Variants in CDH12 observed in about 807,000 individuals in gnomAD.
The protein encoded by CDH12 is cadherin 12.
In CDH12, 41 loss-of-function variants were observed where a neutral mutation model predicts 74.1. The ratio of observed to expected loss-of-function variants is 0.55; its 90% CI spans 0.43 to 0.72. The LOEUF is 0.72. Ranked by LOEUF, CDH12 falls within the 30% of genes least tolerant of loss-of-function variation. The pLI is 0.00. For missense variants in CDH12, 945 were observed against 977.2 expected (o/e 0.97, Z 0.44); for synonymous variants, 399 against 355.0 (o/e 1.12, Z -1.39).
intron 6 of CDH12, among the ~76,000 whole-genome samples, chr5:21,916,719 G>A (rs1754113155): frequency 1.3e-5 from 2 of 152,104 alleles, no homozygotes; most frequent in South Asian, 4.1e-4. Flanking sequence ...AGTTTGACGG[G>A]AGCATATAAT....
intron 4 of CDH12, among the ~76,000 whole-genome samples, chr5:22,151,361 A>G (rs764686468): frequency 3.9e-5 from 6 of 152,206 alleles, no homozygotes; most frequent in Non-Finnish European, 8.8e-5. Context: ...AAAGGAACTC[A>G]CTTTGGGAAA....
At position 22,719,298 on chromosome 5, in the gene CDH12, G is replaced by T. The variant is rs149498129; in HGVS notation, c.-523+133760C>A. ...TATAATGGTATGTAAAGCCTTGATT[G>T]GTAGTTGTAAACAAATAACAATCAA... On this transcript the variant is annotated intron_variant, in intron 1 of 14. Coordinates refer to ENST00000382254, the MANE Select transcript of CDH12 (RefSeq NM_004061.5). 2.0e-5 allele frequency among the ~76,000 whole-genome samples: 3 copies of T among 152,206 alleles called. No individual in the cohort carries two copies. The East Asian group carries it at 5.8e-4, about 29-fold the overall frequency.
chr5:22,849,835 C>G (rs1295080875), intron 1 of CDH12, among the ~76,000 whole-genome samples: 1 of 151,936 alleles, frequency 6.6e-6, no homozygotes, highest in East Asian at 1.9e-4. Flanking sequence ...ATTAAATATT[C>G]ATGGAGCAAG....
intron 6 of CDH12, among the ~76,000 whole-genome samples, chr5:21,881,691 T>C (rs1014437666): frequency 1.1e-4 from 17 of 152,186 alleles, no homozygotes; most frequent in African/African-American, 2.4e-4. Flanking sequence ...CTTCGTATCA[T>C]TTTTATATAT....
intron 6 of CDH12, among the ~76,000 whole-genome samples, chr5:21,894,937 A>T (rs917696069): frequency 6.6e-6 from 1 of 152,018 alleles, no homozygotes; most frequent in Admixed American, 6.6e-5. Context: ...GCTCAAGTCA[A>T]TTAAAATGTG....
chr5:22,505,974 TGACTGGA>T (rs1396744205), intron 1 of CDH12, among the ~76,000 whole-genome samples: 2 of 152,126 alleles, frequency 1.3e-5, no homozygotes, highest in African/African-American at 4.8e-5. Flanking sequence ...CTTGATCAGC[TGACTGGA>T]GTACTTATTA....
intron 2 of CDH12, among the ~76,000 whole-genome samples, chr5:22,415,466 T>G (rs1356243735): frequency 6.6e-6 from 1 of 152,236 alleles, no homozygotes; most frequent in Non-Finnish European, 1.5e-5. Context: ...CAATGAGATG[T>G]CAATGAAAAT....
At chr5:22,065,044 T>G (rs1211455909) in intron 5 of CDH12, among the ~76,000 whole-genome samples, 1 of 152,170 alleles carries the variant, frequency 6.6e-6, no homozygotes, top group Admixed American at 6.5e-5. Flanking sequence ...TAATTTCTGA[T>G]AAGTCTTCTT....
chr5:22,815,769 C>CAAAAAAA (rs34135797), intron 1 of CDH12, among the ~76,000 whole-genome samples: 9 of 96,996 alleles, frequency 9.3e-5, no homozygotes, highest in Non-Finnish European at 1.4e-4. Flanking sequence ...GACTCCGTCT[C>CAAAAAAA]AAAAAAAAAA....
At chr5:22,736,733 CA>C (rs554861937) in intron 1 of CDH12, among the ~76,000 whole-genome samples, 1 of 151,720 alleles carries the variant, frequency 6.6e-6, no homozygotes, top group African/African-American at 2.4e-5. Flanking sequence ...CACACACACA[CA>C]AAAAGCCTAG....
At chr5:21,810,630 G>A (rs13359507) in intron 9 of CDH12, among the ~76,000 whole-genome samples, 37,571 of 151,964 alleles carry the variant, frequency 0.25, 5,302 homozygotes, top group East Asian at 0.41. Flanking sequence ...CAGTGGTTAC[G>A]TTGATTTAGG....
chr5:22,428,445 A>G (rs948358400), intron 2 of CDH12, among the ~76,000 whole-genome samples: 33 of 150,542 alleles, frequency 2.2e-4, no homozygotes, highest in African/African-American at 4.7e-4. Context: ...ATATATATAT[A>G]TGTGTGTGTG....
rs2150363206 is a variant in CDH12 at position 22,212,295 on chromosome 5, A to G, written c.-187+203T>C. 3 of 152,816 alleles carry G rather than the reference A, an allele frequency of 2.0e-5. No individual in the cohort carries two copies. In the Middle Eastern group the frequency reaches 0.01, roughly 520 times the overall value. 9.5% of individuals were successfully genotyped at this position (152,816 alleles called of 1,614,324 possible). A position where few individuals can be genotyped will look rare whatever the true frequency, so the allele number is the denominator to read the frequency against. On this transcript the variant is annotated intron_variant, in intron 4 of 14. Transcript: ENST00000382254. ...GTTCCCTTTTATTTTCTCTGGATAC[A>G]AGGCAGAATGAATGTATTTCAGAAG...
At chr5:22,835,763 A>G (rs1472934473) in intron 1 of CDH12, among the ~76,000 whole-genome samples, 2 of 152,174 alleles carry the variant, frequency 1.3e-5, no homozygotes, top group East Asian at 3.8e-4. Flanking sequence ...GAATCTGGGC[A>G]AATCTCCAGA....
chr5:22,214,412 G>A (rs1221099663), intron 3 of CDH12, among the ~76,000 whole-genome samples: 1 of 152,182 alleles, frequency 6.6e-6, no homozygotes, highest in Non-Finnish European at 1.5e-5. Flanking sequence ...GAGTGTTATA[G>A]TAGAAAAGAG....
intron 2 of CDH12, among the ~76,000 whole-genome samples, chr5:22,459,445 A>C (rs1745414369): frequency 6.6e-6 from 1 of 152,326 alleles, no homozygotes; most frequent in African/African-American, 2.4e-5. Flanking sequence ...GCAATAATAT[A>C]TCATCCAGGC....
At chr5:22,413,176 G>A (rs1008049673) in intron 2 of CDH12, among the ~76,000 whole-genome samples, 1 of 151,994 alleles carries the variant, frequency 6.6e-6, no homozygotes, top group African/African-American at 2.4e-5. Flanking sequence ...GAGAGGTAGA[G>A]ATACAGATTT....
intron 7 of CDH12, among the ~76,000 whole-genome samples, chr5:21,845,735 C>A (rs930329353): frequency 1.3e-5 from 2 of 151,906 alleles, no homozygotes; most frequent in African/African-American, 2.4e-5. Flanking sequence ...GAGAGAAGTT[C>A]TTTTATTTTC....
intron 6 of CDH12, among the ~76,000 whole-genome samples, chr5:21,924,735 A>G (rs896743140): frequency 9.9e-5 from 15 of 152,120 alleles, no homozygotes; most frequent in South Asian, 2.1e-4. Context: ...GAATCTACTG[A>G]CTTTCTCTTT....
Sources: gnomAD v4.1 joint callset for allele counts (sites outside exome capture counted in the v4.1 genomes callset) on GRCh38, gnomAD v4.1.1 for gene constraint, MANE v1.5 for transcripts, NCBI Gene and HGNC (gene_info 2026-07-23, HGNC 2026-07-21) for gene names.